LIPA: variants seen among roughly 807,000 people sequenced by gnomAD.
LIPA encodes the protein lysosomal acid lipase/cholesteryl ester hydrolase.
LIPA carries 26 observed loss-of-function variants against 40.6 expected under a neutral mutation model. The observed-to-expected ratio is 0.64, with a 90% CI of 0.47 to 0.89. LIPA has a LOEUF of 0.89. Among genes scored for constraint, LIPA ranks in the 40% least tolerant of loss-of-function variants. The pLI, the probability that LIPA is intolerant of heterozygous loss-of-function variation, is 0.00. For synonymous variants in LIPA, 188 were observed against 168.4 expected, an observed-to-expected ratio of 1.12 and a Z score of -0.90; for missense variants, 455 against 479.6, an observed-to-expected ratio of 0.95 and a Z score of 0.48.
intron 1 of LIPA, chr10:89,340,868 C>T (rs1361043006): frequency 6.6e-6 from 1 of 152,204 alleles, no homozygotes; most frequent in Non-Finnish European, 1.5e-5. Flanking sequence ...TCACTTATAG[C>T]TTCAGGCATG....
chr10:89,222,617 A>C (rs1364228801), intron 7 of LIPA, 35 bp from the exon 8 acceptor site: 1 of 1,295,594 alleles, frequency 7.7e-7, no homozygotes, highest in Admixed American at 1.7e-5. Flanking sequence ...AAGAATGAAA[A>C]CAGCATTAAG....
chr10:89,255,033 C>T (rs1002053490), upstream of LIPA, among the ~76,000 whole-genome samples: 6 of 152,212 alleles, frequency 3.9e-5, no homozygotes, highest in Admixed American at 1.3e-4. Context: ...AACTTTCCCA[C>T]GTCTTCCTGA....
chr10:89,383,604 C>G (rs1215459894), intron 2 of LIPA: 1 of 1,614,154 alleles, frequency 6.2e-7, no homozygotes, highest in Admixed American at 1.7e-5. Context: ...GTCTGGTGAC[C>G]TGGGGCAACT....
upstream of LIPA, among the ~76,000 whole-genome samples, chr10:89,255,718 A>G (rs956658616): frequency 2.0e-5 from 3 of 152,206 alleles, no homozygotes; most frequent in Non-Finnish European, 4.4e-5. Context: ...ATGAATTTGA[A>G]TGGACAAACT....
chr10:89,284,767 G>A (rs923838323), intron 1 of LIPA, among the ~76,000 whole-genome samples: 1 of 152,182 alleles, frequency 6.6e-6, no homozygotes, highest in African/African-American at 2.4e-5. Context: ...CCTGTGACCT[G>A]CACGTATAAA....
chr10:89,361,896 TTTTTTTTTTTTTTTTTG>T (rs1230938610), intron 2 of LIPA, among the ~76,000 whole-genome samples: 5 of 123,300 alleles, frequency 4.1e-5, no homozygotes, highest in African/African-American at 1.6e-4. Context: ...TTTTTTTTTT[TTTTTTTTTTTTTTTTTG>T]AGACAGGATC....
intron 1 of LIPA, among the ~76,000 whole-genome samples, chr10:89,320,113 A>T (rs1431352534): frequency 1.3e-5 from 2 of 152,230 alleles, no homozygotes; most frequent in East Asian, 1.9e-4. Context: ...CCAATATCAT[A>T]CTGAATGGGC....
chr10:89,283,522 G>C (rs1207297925), intron 1 of LIPA, among the ~76,000 whole-genome samples: 2 of 152,158 alleles, frequency 1.3e-5, no homozygotes, highest in African/African-American at 4.8e-5. Context: ...GTCATTTTTA[G>C]ATTTCTGGTT....
chr10:89,261,665 G>A (rs972666687), intron 1 of LIPA, among the ~76,000 whole-genome samples: 1 of 152,186 alleles, frequency 6.6e-6, no homozygotes. Flanking sequence ...CATTGGCATA[G>A]GTCAAGTCCA....
intron 1 of LIPA, among the ~76,000 whole-genome samples, chr10:89,279,626 A>G (rs968703453): frequency 2.2e-4 from 34 of 152,256 alleles, no homozygotes; most frequent in African/African-American, 5.8e-4. Context: ...AGAAAAATTC[A>G]TTCATTTCCT....
At chr10:89,361,850 A>C (rs1046919774) in intron 2 of LIPA, among the ~76,000 whole-genome samples, 13 of 150,106 alleles carry the variant, frequency 8.7e-5, no homozygotes, top group Non-Finnish European at 7.4e-5. Flanking sequence ...GGGAAAAAAA[A>C]ATCCACCCCC....
Position 89,214,707 on chromosome 10 carries a change from TC to T in LIPA, c.*120del. Reference sequence around the variant, plus strand: ...CTGGGCATCTTCAAAGTTATCATTTTCTTGGATATAAAAAAACAAAAGACCT... The same window carrying T: ...CTGGGCATCTTCAAAGTTATCATTTTTTGGATATAAAAAAACAAAAGACCT... On this transcript the variant is annotated 3_prime_UTR_variant, in exon 10 of 10. Coordinates refer to ENST00000336233, the MANE Select transcript of LIPA (RefSeq NM_000235.4). 1.5e-6 allele frequency: 1 copy of T among 675,532 alleles called. No individual in the cohort carries two copies. Among genetic ancestry groups the T allele is most frequent in the South Asian group, 1.7e-5 (1 of 58,414 alleles). The allele number at this position is 675,532 out of a possible 1,614,324, so 41.8% of individuals were successfully genotyped here. A position where few individuals can be genotyped will look rare whatever the true frequency, so the allele number is the denominator to read the frequency against.
At chr10:89,310,083 A>T (rs1589597274) in intron 1 of LIPA, among the ~76,000 whole-genome samples, 2 of 152,218 alleles carry the variant, frequency 1.3e-5, no homozygotes, top group Non-Finnish European at 2.9e-5. Context: ...TTTGATTGCC[A>T]CCTTGAGAGT....
chr10:89,363,067 T>G (rs305375), intron 2 of LIPA: 137,994 of 226,380 alleles, frequency 0.61, 45,235 homozygotes, highest in East Asian at 0.94. Context: ...TATGTTTTTC[T>G]ATATGCAGCC....
intron 1 of LIPA, among the ~76,000 whole-genome samples, chr10:89,259,810 T>C (rs930504909): frequency 5.3e-5 from 8 of 152,240 alleles, no homozygotes; most frequent in African/African-American, 1.7e-4. Flanking sequence ...CATTTCATTT[T>C]CATAAAAATA....
chr10:89,379,384 G>A (rs1449212556), intron 2 of LIPA, among the ~76,000 whole-genome samples: 1 of 152,118 alleles, frequency 6.6e-6, no homozygotes, highest in East Asian at 1.9e-4. Flanking sequence ...CATGTTGCCT[G>A]CTAAAATTTG....
intron 1 of LIPA, among the ~76,000 whole-genome samples, chr10:89,291,803 T>C (rs1843376609): frequency 1.3e-5 from 2 of 152,234 alleles, no homozygotes; most frequent in Non-Finnish European, 2.9e-5. Flanking sequence ...TTCCCCTTCA[T>C]AATATGAAGT....
chr10:89,413,472 T>C (rs1219073152), intron 1 of LIPA, among the ~76,000 whole-genome samples: 1 of 152,178 alleles, frequency 6.6e-6, no homozygotes, highest in Admixed American at 6.5e-5. Context: ...AGGCCAAGCA[T>C]AGTGGCTCAT....
At chr10:89,253,469 C>T (rs182761847), upstream of LIPA, among the ~76,000 whole-genome samples, 18 of 152,280 alleles carry the variant, frequency 1.2e-4, no homozygotes, top group African/African-American at 3.9e-4. Context: ...GGCTAGACTG[C>T]CCCCATGATT....
Sources: allele counts gnomAD v4.1 joint callset (sites outside exome capture counted in the v4.1 genomes callset), GRCh38; gene constraint gnomAD v4.1.1; transcripts MANE v1.5; gene names NCBI Gene and HGNC (gene_info 2026-07-23, HGNC 2026-07-21).